SNX7: variants seen among roughly 807,000 people sequenced by gnomAD.
SNX7 encodes the protein sorting nexin-7.
SNX7 carries 35 observed loss-of-function variants against 48.4 expected under a neutral mutation model. The ratio of observed to expected loss-of-function variants is 0.72; its 90% CI spans 0.55 to 0.96. The LOEUF (loss-of-function observed/expected upper bound fraction) is 0.96, where lower values mean the gene tolerates loss of function less well. Among genes scored for constraint, SNX7 ranks in the 40% least tolerant of loss-of-function variants. SNX7 has a pLI of 0.00. For missense variants in SNX7, 553 were observed against 548.9 expected (o/e 1.01, Z -0.07); for synonymous variants, 190 against 190.2 (o/e 1.00, Z 0.01).
At chr1:98,673,847 T>C (rs1158018995) in intron 1 of SNX7, among the ~76,000 whole-genome samples, 2 of 152,242 alleles carry the variant, frequency 1.3e-5, no homozygotes, top group East Asian at 3.8e-4. Context: ...ATAATGCATG[T>C]ATGTGTTGCT....
intron 7 of SNX7, among the ~76,000 whole-genome samples, chr1:98,715,485 T>C (rs548040238): frequency 7.9e-5 from 12 of 152,262 alleles, no homozygotes; most frequent in African/African-American, 2.9e-4. Context: ...AGTAAGTGTT[T>C]TGTGGGGAGC....
At chr1:98,662,009 G>A in intron 1 of SNX7, 98 bp downstream of exon 1, 2 of 1,187,506 alleles carry the variant, frequency 1.7e-6, no homozygotes. Flanking sequence ...TTGCCCTCCC[G>A]GGGCGGTGGC....
At chr1:98,711,690 T>C (rs1392361345) in intron 7 of SNX7, among the ~76,000 whole-genome samples, 3 of 152,234 alleles carry the variant, frequency 2.0e-5, no homozygotes, top group Non-Finnish European at 1.5e-5. Flanking sequence ...GGCTGCTGAC[T>C]GATTACGTGT....
chr1:98,698,610 G>T, intron 5 of SNX7, 96 bp from the exon 6 acceptor site: 1 of 1,040,310 alleles, frequency 9.6e-7, no homozygotes, highest in Non-Finnish European at 1.4e-6. Context: ...CATGTGCACT[G>T]TGAGAGAAAT....
intron 2 of SNX7, 33 bp from the exon 3 acceptor site, chr1:98,691,042 G>T: frequency 7.0e-7 from 1 of 1,426,106 alleles, no homozygotes; most frequent in Non-Finnish European, 9.8e-7. Context: ...ATCTTATATT[G>T]CATGTGCTGT....
intron 2 of SNX7, among the ~76,000 whole-genome samples, chr1:98,688,351 C>G (rs1650923298): frequency 6.6e-6 from 1 of 152,144 alleles, no homozygotes; most frequent in Admixed American, 6.5e-5. Context: ...TCTAGGTTAG[C>G]ATATTTTAAG....
chr1:98,738,721 TTC>T (rs2101035500), intron 8 of SNX7, among the ~76,000 whole-genome samples: 1 of 152,286 alleles, frequency 6.6e-6, no homozygotes, highest in East Asian at 1.9e-4. Context: ...TCAGGGCCTG[TTC>T]TCTATGTCCT....
intron 7 of SNX7, among the ~76,000 whole-genome samples, chr1:98,724,406 C>G (rs1398280603): frequency 6.6e-6 from 1 of 151,308 alleles, no homozygotes; most frequent in Non-Finnish European, 1.5e-5. Flanking sequence ...TTATGCTAGC[C>G]TCGTAAATTT....
At chr1:98,752,967 G>T (rs1654659290) in intron 8 of SNX7, among the ~76,000 whole-genome samples, 1 of 151,924 alleles carries the variant, frequency 6.6e-6, no homozygotes, top group African/African-American at 2.4e-5. Context: ...CTTATTAAAT[G>T]TACCCTGGTG....
intron 7 of SNX7, among the ~76,000 whole-genome samples, chr1:98,708,714 G>A (rs780244657): frequency 3.3e-5 from 5 of 152,104 alleles, no homozygotes; most frequent in Non-Finnish European, 5.9e-5. Context: ...TGTCTTCTCC[G>A]GCAGCCCTGT....
chr1:98,678,404 A>C (rs1486724111), intron 1 of SNX7, among the ~76,000 whole-genome samples: 1 of 152,160 alleles, frequency 6.6e-6, no homozygotes, highest in Non-Finnish European at 1.5e-5. Flanking sequence ...TTTCAACATG[A>C]GATTTGGAGA....
chr1:98,734,457 T>A (rs1259405979), intron 7 of SNX7, among the ~76,000 whole-genome samples: 1 of 152,138 alleles, frequency 6.6e-6, no homozygotes, highest in African/African-American at 2.4e-5. Flanking sequence ...CTGGCAGACA[T>A]CGGTTTGAAT....
intron 1 of SNX7, among the ~76,000 whole-genome samples, chr1:98,666,732 T>C (rs1649557399): frequency 6.6e-6 from 1 of 152,114 alleles, no homozygotes; most frequent in Non-Finnish European, 1.5e-5. Flanking sequence ...ACTGCCTTGA[T>C]CTATAGGATA....
intron 8 of SNX7, among the ~76,000 whole-genome samples, chr1:98,745,615 AAC>A (rs1351115962): frequency 3.9e-5 from 6 of 152,100 alleles, no homozygotes; most frequent in African/African-American, 1.4e-4. Context: ...TGGCAAAGCA[AAC>A]ACACCAGCTT....
intron 8 of SNX7, among the ~76,000 whole-genome samples, chr1:98,740,713 G>A (rs1654029923): frequency 6.6e-6 from 1 of 152,020 alleles, no homozygotes; most frequent in Admixed American, 6.6e-5. Flanking sequence ...AGCTAAATGA[G>A]CATCGCTGTG....
rs574897871 is a variant in SNX7, at chr1:98,666,133, CA to C, written c.180+4223del. On this transcript the variant is annotated intron_variant, in intron 1 of 8. Transcript: ENST00000306121. ...TTTGGTTTCTGTTGTGTGCCTATAT[CA>C]GTCATCACTCTGATAAAAATCAGAA... Among the ~76,000 whole-genome samples, 14 of 152,264 alleles carry C rather than the reference CA, an allele frequency of 9.2e-5. No homozygotes were observed. The East Asian group carries it at 2.7e-3, about 29-fold the overall frequency.
In SNX7 at chr1:98,716,854, T is replaced by C. The variant is rs187254435; in HGVS notation, c.1125+14951T>C. ...TTCTTCTTTTATCTTCTTTAAAAAA[T>C]ATACTTAGATTTCATAATAAATTAT... On this transcript the variant is annotated intron_variant, in intron 7 of 8. Transcript: ENST00000306121. 3.8e-3 allele frequency among the ~76,000 whole-genome samples: 561 copies of C among 148,338 alleles called. 4 individuals carry two copies. The highest frequency in any genetic ancestry group is 0.013 in the African/African-American group (521 of 40,166).
chr1:98,670,720 T>A (rs896380030), intron 1 of SNX7, among the ~76,000 whole-genome samples: 4 of 152,122 alleles, frequency 2.6e-5, no homozygotes, highest in African/African-American at 7.2e-5. Context: ...CAAAATTTCC[T>A]AAGGATGCAT....
chr1:98,701,863 A>G lies in SNX7; in HGVS notation c.1085A>G (p.Lys362Arg), dbSNP rs200593857. 7 of 1,611,536 alleles carry G rather than the reference A, an allele frequency of 4.3e-6. No homozygotes were observed. The Admixed American group carries it at 6.7e-5, about 15-fold the overall frequency. ...CAAATACAAGCAGAACTGGATTCCA[A>G]AGTTGAAGTTTTGACCTATAAAAAG... Reference protein sequence around the residue: ...RDQIQAELDSKVEVLTYKKAD... With the variant: ...RDQIQAELDSRVEVLTYKKAD... Residue 362 changes from lysine to arginine, a missense_variant, in exon 7 of 9, where the codon AAA becomes AGA. Coordinates refer to ENST00000306121, the MANE Select transcript of SNX7 (RefSeq NM_015976.5).
Sources: gnomAD v4.1 joint callset for allele counts (sites outside exome capture counted in the v4.1 genomes callset) on GRCh38, gnomAD v4.1.1 for gene constraint, MANE v1.5 for transcripts, NCBI Gene and HGNC (gene_info 2026-07-23, HGNC 2026-07-21) for gene names.